TMEM132D: variants seen among roughly 807,000 people sequenced by gnomAD.
TMEM132D encodes mature OL transmembrane protein.
TMEM132D carries 21 observed loss-of-function variants against 62.3 expected under a neutral mutation model. The ratio of observed to expected loss-of-function variants is 0.34; its 90% CI spans 0.24 to 0.49. The LOEUF (loss-of-function observed/expected upper bound fraction) is 0.49, where lower values mean the gene tolerates loss of function less well. Among genes scored for constraint, TMEM132D ranks in the 20% least tolerant of loss-of-function variants. The pLI is 0.99. For synonymous variants in TMEM132D, 621 were observed against 575.6 expected, an observed-to-expected ratio of 1.08 and a Z score of -1.13; for missense variants, 1,346 against 1,402.8, an observed-to-expected ratio of 0.96 and a Z score of 0.65.
intron 4 of TMEM132D, among the ~76,000 whole-genome samples, chr12:129,279,303 G>A (rs1048585167): frequency 2.6e-5 from 4 of 152,150 alleles, no homozygotes; most frequent in African/African-American, 9.7e-5. Flanking sequence ...GTGATAACAC[G>A]TTAAGTAAGT....
chr12:129,632,138 G>A lies in TMEM132D; in HGVS notation c.968+67672C>T, dbSNP rs1879361103. On this transcript the variant is annotated intron_variant, in intron 2 of 8. Transcript: ENST00000422113. ...CTGACTTATGAAAGACTATTAAAGG[G>A]TTTTGGAAATCATAATTAGGAATAT... Among the ~76,000 whole-genome samples, 7 of 152,270 alleles carry A rather than the reference G, an allele frequency of 4.6e-5. No homozygotes were observed. The South Asian group carries it at 1.5e-3, about 32-fold the overall frequency.
chr12:129,345,878 G>T (rs1869668083), intron 3 of TMEM132D, among the ~76,000 whole-genome samples: 1 of 152,148 alleles, frequency 6.6e-6, no homozygotes, highest in South Asian at 2.1e-4. Context: ...TGTTCATCAG[G>T]GATATTGGCC....
intron 2 of TMEM132D, among the ~76,000 whole-genome samples, chr12:129,649,956 G>A (rs931105827): frequency 2.0e-5 from 3 of 151,824 alleles, no homozygotes; most frequent in African/African-American, 7.3e-5. Context: ...GTGTGTATGT[G>A]TATATACAGA....
chr12:129,383,602 C>T (rs963467455), intron 3 of TMEM132D, among the ~76,000 whole-genome samples: 4 of 152,034 alleles, frequency 2.6e-5, no homozygotes, highest in Middle Eastern at 3.2e-3. Context: ...CTACACCTGG[C>T]TAATTTTTGT....
chr12:129,869,746 C>G (rs1312903114), intron 1 of TMEM132D, among the ~76,000 whole-genome samples: 1 of 152,134 alleles, frequency 6.6e-6, no homozygotes, highest in Non-Finnish European at 1.5e-5. Context: ...TCTGCAGTAT[C>G]AAGTGGAGAT....
chr12:129,896,309 T>G (rs1875129517), intron 1 of TMEM132D, among the ~76,000 whole-genome samples: 1 of 152,136 alleles, frequency 6.6e-6, no homozygotes, highest in Admixed American at 6.6e-5. Context: ...GTCTCGTGCC[T>G]TCTGCTGTTC....
chr12:129,807,460 G>A (rs924827333), intron 1 of TMEM132D, among the ~76,000 whole-genome samples: 22 of 152,110 alleles, frequency 1.4e-4, no homozygotes, highest in East Asian at 9.6e-4. Flanking sequence ...TCCCCACCAC[G>A]GCCCGAGTCT....
At chr12:129,703,626 A>G (rs1004776185) in intron 1 of TMEM132D, among the ~76,000 whole-genome samples, 1 of 152,156 alleles carries the variant, frequency 6.6e-6, no homozygotes, top group Non-Finnish European at 1.5e-5. Context: ...AAAGTGTTAA[A>G]TTACAAAGAA....
intron 1 of TMEM132D, among the ~76,000 whole-genome samples, chr12:129,872,668 G>T (rs989726876): frequency 6.6e-6 from 1 of 152,176 alleles, no homozygotes; most frequent in African/African-American, 2.4e-5. Flanking sequence ...TCTTTGGAGC[G>T]AAAGTCAGTA....
At chr12:129,731,521 G>C in intron 1 of TMEM132D, among the ~76,000 whole-genome samples, 1 of 152,240 alleles carries the variant, frequency 6.6e-6, no homozygotes, top group South Asian at 2.1e-4. Flanking sequence ...TATCCAGGGA[G>C]GACACTGAAG....
intron 1 of TMEM132D, among the ~76,000 whole-genome samples, chr12:129,863,042 G>A (rs1873947205): frequency 6.6e-6 from 1 of 152,224 alleles, no homozygotes; most frequent in East Asian, 1.9e-4. Context: ...AATTCATTCA[G>A]AGAACCGAGG....
intron 5 of TMEM132D, among the ~76,000 whole-genome samples, chr12:129,127,105 G>A (rs537687601): frequency 1.3e-5 from 2 of 152,300 alleles, no homozygotes; most frequent in South Asian, 2.1e-4. Flanking sequence ...GCGAGAGAGC[G>A]GGATTCATCA....
intron 4 of TMEM132D, among the ~76,000 whole-genome samples, chr12:129,241,294 A>G (rs1879932237): frequency 6.6e-6 from 1 of 152,222 alleles, no homozygotes; most frequent in Non-Finnish European, 1.5e-5. Flanking sequence ...AAAATTTATA[A>G]GGAGTTCAAA....
Position 129,903,622 on chromosome 12 carries a change from T to C in TMEM132D, c.-283A>G, listed in dbSNP as rs1875448597. The stretch of plus-strand genomic sequence containing the variant: ...CAACAGAATTTTTTTTAAATTTTAA[T>C]CCACAGGGGGTATTTCCTTTCCTGT... On this transcript the variant is annotated 5_prime_UTR_variant, in exon 1 of 9. Transcript: ENST00000422113. The surrounding 1 kb of genome is among the most constrained non-coding windows in gnomAD (Gnocchi z 6.2). 7 of 476,828 alleles carry C rather than the reference T, an allele frequency of 1.5e-5. No homozygotes were observed. The South Asian group carries it at 1.9e-4, about 13-fold the overall frequency. The allele number at this position is 476,828 out of a possible 1,614,324, so 29.5% of individuals were successfully genotyped here.
intron 3 of TMEM132D, among the ~76,000 whole-genome samples, chr12:129,513,142 T>C (rs963119513): frequency 6.6e-6 from 1 of 152,200 alleles, no homozygotes; most frequent in Admixed American, 6.5e-5. Context: ...CTCAAGGGCA[T>C]GGCCCTGGCT....
At chr12:129,439,211 A>G (rs1192906548) in intron 3 of TMEM132D, among the ~76,000 whole-genome samples, 1 of 152,248 alleles carries the variant, frequency 6.6e-6, no homozygotes, top group African/African-American at 2.4e-5. Flanking sequence ...CTAAATGCTC[A>G]TATCTGGTAA....
intron 1 of TMEM132D, among the ~76,000 whole-genome samples, chr12:129,722,038 T>C (rs1391993690): frequency 6.6e-6 from 1 of 152,262 alleles, no homozygotes; most frequent in Non-Finnish European, 1.5e-5. Context: ...CCTGCCTCAC[T>C]GCTGTGGCCA....
At chr12:129,429,439 G>C (rs1872589967) in intron 3 of TMEM132D, among the ~76,000 whole-genome samples, 1 of 152,076 alleles carries the variant, frequency 6.6e-6, no homozygotes, top group Non-Finnish European at 1.5e-5. Flanking sequence ...ATGACTTCTA[G>C]AAAAACCCCA....
chr12:129,269,557 G>A (rs1218208654), intron 4 of TMEM132D, among the ~76,000 whole-genome samples: 1 of 152,162 alleles, frequency 6.6e-6, no homozygotes, highest in Non-Finnish European at 1.5e-5. Flanking sequence ...GAGTGAATGT[G>A]TTTGTGAGAT....
Sources: gnomAD v4.1 joint callset for allele counts (sites outside exome capture counted in the v4.1 genomes callset) on GRCh38, gnomAD v4.1.1 for gene constraint, Gnocchi (gnomAD v3.1) non-coding constraint, MANE v1.5 for transcripts, NCBI Gene and HGNC (gene_info 2026-07-23, HGNC 2026-07-21) for gene names.